Variants in ACBD6 observed in about 807,000 individuals in gnomAD.
The protein encoded by ACBD6 is acyl-CoA-binding domain-containing protein 6.
ACBD6 carries 28 observed loss-of-function variants against 37.2 expected under a neutral mutation model. The ratio of observed to expected loss-of-function variants is 0.75; its 90% confidence interval spans 0.56 to 1.03. The LOEUF is 1.03. Among genes scored for constraint, ACBD6 ranks in the 50% least tolerant of loss-of-function variants. The pLI is 0.00. For missense variants in ACBD6, 340 were observed against 337.4 expected (o/e 1.01, Z -0.06); for synonymous variants, 113 against 126.8 (o/e 0.89, Z 0.73).
intron 7 of ACBD6, among the ~76,000 whole-genome samples, chr1:180,298,702 T>C (rs998945469): frequency 2.6e-5 from 4 of 152,194 alleles, no homozygotes; most frequent in Non-Finnish European, 5.9e-5. Flanking sequence ...TAATGTGAGA[T>C]ATGAATTTGG....
chr1:180,430,127 GCA>G (rs140565278), intron 4 of ACBD6, 51 bp downstream of exon 4: 3 of 1,451,882 alleles, frequency 2.1e-6, no homozygotes, highest in Non-Finnish European at 2.9e-6. Flanking sequence ...ACAAACACAT[GCA>G]CACACACAGG....
rs573656562 is a variant in ACBD6, at chr1:180,416,531, T to C, written c.468-3060A>G. 3.9e-5 allele frequency among the ~76,000 whole-genome samples: 6 copies of C among 152,350 alleles called. No individual in the cohort carries two copies. The East Asian group carries it at 1.2e-3, about 29-fold the overall frequency. ...TCTCAAAATTATCATATTCATTATC[T>C]ATAGATGACTGTGAGTTATGTTTAT... is the stretch of plus-strand genomic sequence containing the variant. On this transcript the variant is annotated intron_variant, in intron 4 of 7. Transcript: ENST00000367595.
intron 3 of ACBD6, among the ~76,000 whole-genome samples, chr1:180,490,425 A>G (rs927529649): frequency 7.9e-5 from 12 of 151,054 alleles, no homozygotes; most frequent in African/African-American, 2.7e-4. Flanking sequence ...GGTGGATCAC[A>G]TGAGATCAGG....
At chr1:180,392,965 C>T (rs1256307721) in intron 6 of ACBD6, among the ~76,000 whole-genome samples, 1 of 152,194 alleles carries the variant, frequency 6.6e-6, no homozygotes, top group Non-Finnish European at 1.5e-5. Context: ...ACCACAGATG[C>T]TCCTACTCCT....
intron 6 of ACBD6, among the ~76,000 whole-genome samples, chr1:180,354,861 T>C (rs1652561863): frequency 6.6e-6 from 1 of 152,188 alleles, no homozygotes; most frequent in African/African-American, 2.4e-5. Context: ...ATATAGTTTT[T>C]AAAAAATAAG....
intron 3 of ACBD6, among the ~76,000 whole-genome samples, chr1:180,469,940 T>C (rs1410632749): frequency 6.6e-6 from 1 of 152,190 alleles, no homozygotes; most frequent in Non-Finnish European, 1.5e-5. Context: ...ACAATCTTCC[T>C]TCACAACTTT....
intron 3 of ACBD6, among the ~76,000 whole-genome samples, chr1:180,444,057 C>T (rs2102017315): frequency 6.6e-6 from 1 of 151,952 alleles, no homozygotes; most frequent in East Asian, 1.9e-4. Context: ...CCTATTACTC[C>T]ACCATTCCCA....
chr1:180,467,608 G>A (rs1006086300), intron 3 of ACBD6, among the ~76,000 whole-genome samples: 4 of 151,850 alleles, frequency 2.6e-5, no homozygotes, highest in African/African-American at 9.7e-5. Flanking sequence ...CTATGATCAC[G>A]CTACTGCACC....
intron 9 of ACBD6, chr1:180,275,535 C>T (rs1648975282): frequency 6.6e-6 from 1 of 152,228 alleles, no homozygotes; most frequent in Admixed American, 6.5e-5. Flanking sequence ...TTCCCCATCC[C>T]TTGTAGGGTG....
chr1:180,360,722 T>C (rs1018119358), intron 6 of ACBD6, among the ~76,000 whole-genome samples: 2 of 152,146 alleles, frequency 1.3e-5, no homozygotes, highest in African/African-American at 4.8e-5. Context: ...TTATTTTAAA[T>C]AATATTATCT....
intron 6 of ACBD6, among the ~76,000 whole-genome samples, chr1:180,351,756 T>C (rs1402179946): frequency 6.6e-6 from 1 of 152,126 alleles, no homozygotes; most frequent in African/African-American, 2.4e-5. Flanking sequence ...TGAAAATGGC[T>C]TGGCAATTCC....
chr1:180,375,341 T>A (rs1319127848), intron 6 of ACBD6, among the ~76,000 whole-genome samples: 3 of 152,136 alleles, frequency 2.0e-5, no homozygotes, highest in Non-Finnish European at 4.4e-5. Flanking sequence ...ACAGACTGTT[T>A]TTTTTTGAGA....
intron 5 of ACBD6, among the ~76,000 whole-genome samples, chr1:180,412,119 A>G (rs1647884866): frequency 6.6e-6 from 1 of 151,864 alleles, no homozygotes; most frequent in South Asian, 2.1e-4. Flanking sequence ...CAAAAAAAAA[A>G]AAAAACCCAA....
chr1:180,346,623 A>T (rs1171847138), intron 6 of ACBD6, among the ~76,000 whole-genome samples: 1 of 152,234 alleles, frequency 6.6e-6, no homozygotes, highest in Non-Finnish European at 1.5e-5. Flanking sequence ...ATGAAGACTT[A>T]TGAAGCCTTG....
intron 6 of ACBD6, among the ~76,000 whole-genome samples, chr1:180,330,254 A>AT (rs58036413): frequency 0.11 from 16,147 of 143,420 alleles, 903 homozygotes; most frequent in African/African-American, 0.14. Context: ...CTCTATAAGA[A>AT]TTTTTTTTTT....
intron 6 of ACBD6, among the ~76,000 whole-genome samples, chr1:180,362,138 GA>G (rs1408693034): frequency 2.0e-5 from 3 of 152,172 alleles, no homozygotes; most frequent in African/African-American, 7.2e-5. Context: ...CACACCAAAT[GA>G]AGAGAAAGAG....
At chr1:180,320,054 A>G (rs1226402037) in intron 6 of ACBD6, among the ~76,000 whole-genome samples, 1 of 152,056 alleles carries the variant, frequency 6.6e-6, no homozygotes, top group Non-Finnish European at 1.5e-5. Context: ...TGATAGCTCT[A>G]TTTTTAGTTG....
chr1:180,379,091 C>G (rs1653549370), intron 6 of ACBD6, among the ~76,000 whole-genome samples: 2 of 152,076 alleles, frequency 1.3e-5, no homozygotes, highest in Non-Finnish European at 2.9e-5. Context: ...ATCCCAGTCC[C>G]CAGAAAAACT....
At chr1:180,333,491 GA>G (rs59618093) in intron 6 of ACBD6, among the ~76,000 whole-genome samples, 19,575 of 152,208 alleles carry the variant, frequency 0.13, 1,303 homozygotes, top group African/African-American at 0.16. Context: ...TTCACTGAGT[GA>G]ATAAATGATT....
Sources: gnomAD v4.1 joint callset for allele counts (sites outside exome capture counted in the v4.1 genomes callset) on GRCh38, gnomAD v4.1.1 for gene constraint, MANE v1.5 for transcripts, NCBI Gene and HGNC (gene_info 2026-07-23, HGNC 2026-07-21) for gene names.